The following WDR1 variants were observed in gnomAD, a reference collection of about 807,000 sequenced individuals.
WDR1 encodes WD repeat-containing protein 1.
Under a neutral mutation model 71.9 loss-of-function variants are expected in WDR1, and 21 were observed. The observed-to-expected ratio is 0.29, with a 90% confidence interval of 0.21 to 0.42. The LOEUF (loss-of-function observed/expected upper bound fraction) is 0.42. Ranked by LOEUF, WDR1 falls within the 10% of genes least tolerant of loss-of-function variation. The pLI, the probability that WDR1 is intolerant of heterozygous loss-of-function variation, is 1.00. For synonymous variants in WDR1, 424 were observed against 347.4 expected (o/e 1.22, Z -2.45); for missense variants, 696 against 824.5 (o/e 0.84, Z 1.91).
chr4:10,082,423 T>C (rs1216609782), intron 10 of WDR1, among the ~76,000 whole-genome samples: 1 of 152,184 alleles, frequency 6.6e-6, no homozygotes. Flanking sequence ...GGACACTGGA[T>C]GTGCAGTGGC....
chr4:10,114,060 CT>C (rs1318441291), intron 2 of WDR1, among the ~76,000 whole-genome samples: 1 of 152,104 alleles, frequency 6.6e-6, no homozygotes, highest in Non-Finnish European at 1.5e-5. Flanking sequence ...TCCAAGAGTA[CT>C]TTGCCCTAAA....
chr4:10,103,385 C>T (rs943900281), intron 3 of WDR1, among the ~76,000 whole-genome samples: 5 of 152,134 alleles, frequency 3.3e-5, no homozygotes, highest in Admixed American at 1.3e-4. Flanking sequence ...TGGCCAACCT[C>T]ATGGTGGCAT....
chr4:10,106,044 G>T (rs567601779), intron 2 of WDR1, among the ~76,000 whole-genome samples: 2 of 141,852 alleles, frequency 1.4e-5, no homozygotes, highest in Admixed American at 7.1e-5. Context: ...TATGAAAGAA[G>T]ATTTTAGAAA....
At chr4:10,080,751 G>A (rs1404799384) in intron 11 of WDR1, among the ~76,000 whole-genome samples, 1 of 152,252 alleles carries the variant, frequency 6.6e-6, no homozygotes, top group Non-Finnish European at 1.5e-5. Context: ...TATTCCAAAG[G>A]TGTGCAGGTG....
intron 5 of WDR1, among the ~76,000 whole-genome samples, chr4:10,089,954 G>A (rs1166103139): frequency 6.6e-6 from 1 of 152,208 alleles, no homozygotes. Flanking sequence ...CAGTTAAAAT[G>A]AGGTCATTAG....
chr4:10,094,282 C>A (rs1443501582), intron 5 of WDR1, among the ~76,000 whole-genome samples: 2 of 152,206 alleles, frequency 1.3e-5, no homozygotes, highest in African/African-American at 4.8e-5. Flanking sequence ...CAGCTGTGAG[C>A]CACACTCCAG....
chr4:10,109,496 A>G (rs1713218835), intron 2 of WDR1, among the ~76,000 whole-genome samples: 1 of 152,222 alleles, frequency 6.6e-6, no homozygotes, highest in South Asian at 2.1e-4. Flanking sequence ...GCTTCCAAAC[A>G]GTGTACAGGC....
chr4:10,086,363 C>G (rs533089424), intron 8 of WDR1, among the ~76,000 whole-genome samples: 53 of 152,332 alleles, frequency 3.5e-4, no homozygotes, highest in African/African-American at 1.2e-3. Flanking sequence ...TATGGTTCAG[C>G]CTTCCCCCTC....
chr4:10,084,965 T>G (rs957040464), intron 8 of WDR1, among the ~76,000 whole-genome samples: 10 of 152,214 alleles, frequency 6.6e-5, no homozygotes, highest in African/African-American at 2.4e-4. Context: ...TTTGTGAGGT[T>G]TCTTCTCTCT....
chr4:10,094,884 C>T (rs1478033600), intron 5 of WDR1: 1 of 152,272 alleles, frequency 6.6e-6, no homozygotes, highest in Admixed American at 6.5e-5. Context: ...TCTGCTTCAG[C>T]TTGTACTGAA....
intron 9 of WDR1, 25 bp from the exon 10 acceptor site, chr4:10,083,203 C>A (rs369684573): frequency 6.2e-7 from 1 of 1,607,202 alleles, no homozygotes; most frequent in East Asian, 2.2e-5. Context: ...AGGAAAAGCC[C>A]GGCTCCCAGG....
chr4:10,087,174 G>A (rs778541158), intron 8 of WDR1, among the ~76,000 whole-genome samples: 6 of 152,188 alleles, frequency 3.9e-5, no homozygotes, highest in Non-Finnish European at 5.9e-5. Flanking sequence ...TGCTCCCATC[G>A]CTCCCTTATG....
At chr4:10,093,578 T>C (rs555018953) in intron 5 of WDR1, among the ~76,000 whole-genome samples, 24 of 152,374 alleles carry the variant, frequency 1.6e-4, no homozygotes, top group African/African-American at 5.5e-4. Flanking sequence ...TCAGTCACCA[T>C]GTTCCCTGGA....
chr4:10,083,171 C>T lies in WDR1; in HGVS notation c.1047G>A (p.Trp349Ter). Residue 349 changes from tryptophan (W) to a stop codon, truncating the protein, a stop_gained, in exon 10 of 15, where the codon TGG becomes TGA. Coordinates refer to ENST00000499869, the MANE Select transcript of WDR1 (RefSeq NM_017491.5). LOFTEE classifies it high-confidence loss of function. The stretch of plus-strand genomic sequence containing the variant: ...AGTCGTTCTCCCCCGTCTCTGAATC[C>T]CAGTAATGTAGGGTGGGGTTAAGGA... ...SGSHDGHINY[W>*]DSETGENDSF... The T allele has an allele frequency of 6.2e-7, 1 of 1,613,474 alleles. No individual in the cohort carries two copies. Among genetic ancestry groups the T allele is most frequent in the Non-Finnish European group, 8.5e-7 (1 of 1,179,694 alleles).
intron 3 of WDR1, among the ~76,000 whole-genome samples, chr4:10,103,671 C>A (rs958357580): frequency 6.6e-6 from 1 of 152,182 alleles, no homozygotes; most frequent in African/African-American, 2.4e-5. Flanking sequence ...GGGCCACATG[C>A]AGCCCATGGG....
At chr4:10,087,332 C>A (rs1327993279) in intron 8 of WDR1, among the ~76,000 whole-genome samples, 2 of 152,276 alleles carry the variant, frequency 1.3e-5, no homozygotes, top group African/African-American at 4.8e-5. Context: ...GCTCAGTGAG[C>A]TTCTGCTCTT....
At chr4:10,084,923 A>C (rs2241476) in intron 8 of WDR1, among the ~76,000 whole-genome samples, 48,147 of 152,120 alleles carry the variant, frequency 0.32, 7,938 homozygotes, top group East Asian at 0.54. Context: ...GTCCAGGAGG[A>C]CTTCGCTGGC....
At chr4:10,106,611 C>G (rs993626359) in intron 2 of WDR1, 3 of 152,244 alleles carry the variant, frequency 2.0e-5, no homozygotes, top group African/African-American at 7.2e-5. Context: ...TGGAAGATGC[C>G]TGGGCAGGGG....
intron 5 of WDR1, among the ~76,000 whole-genome samples, chr4:10,089,715 A>G (rs1021968988): frequency 1.4e-4 from 22 of 152,192 alleles, no homozygotes; most frequent in Non-Finnish European, 2.8e-4. Flanking sequence ...AGGTACGAAC[A>G]CTAACCTTCA....
Sources: allele counts gnomAD v4.1 joint callset (sites outside exome capture counted in the v4.1 genomes callset), GRCh38; gene constraint gnomAD v4.1.1; transcripts MANE v1.5; gene names NCBI Gene and HGNC (gene_info 2026-07-23, HGNC 2026-07-21).